The following SORT1 variants were observed in gnomAD, a reference collection of about 807,000 sequenced individuals.
SORT1 encodes the protein sortilin 1.
SORT1 carries 39 observed loss-of-function variants against 101.7 expected under a neutral mutation model. That is an observed-to-expected ratio of 0.38 (90% CI 0.30 to 0.50). The LOEUF (loss-of-function observed/expected upper bound fraction) is 0.50, where lower values mean the gene tolerates loss of function less well. Ranked by LOEUF, SORT1 falls within the 20% of genes least tolerant of loss-of-function variation. The pLI, the probability that SORT1 is intolerant of heterozygous loss-of-function variation, is 0.90. For missense variants in SORT1, 878 were observed against 1,040.4 expected (o/e 0.84, Z 2.15); for synonymous variants, 396 against 393.7 (o/e 1.01, Z -0.07).
In SORT1 at chr1:109,311,638, A is replaced by C. The variant is rs1040824781; in HGVS notation, c.*2405T>G. The C allele has an allele frequency of 3.3e-5, 5 of 152,200 alleles. No homozygotes were observed. The highest frequency in any genetic ancestry group is 1.2e-4 in the African/African-American group (5 of 41,462). The allele number at this position is 152,200 out of a possible 1,614,324, so 9.4% of individuals were successfully genotyped here. A position where few individuals can be genotyped will look rare whatever the true frequency, so the allele number is the denominator to read the frequency against. On this transcript the variant is annotated 3_prime_UTR_variant, in exon 20 of 20. Transcript: ENST00000256637. Reference sequence around the variant, plus strand: ...TTGAGCAGTGACCCTCAATGAGGGGAGGGGCAGTTTCTGCAAACGTATTTA... The same window carrying C: ...TTGAGCAGTGACCCTCAATGAGGGGCGGGGCAGTTTCTGCAAACGTATTTA...
rs116892697 is a variant in SORT1, at chr1:109,371,852, A to T, written c.307-2263T>A. Among the ~76,000 whole-genome samples the T allele has an allele frequency of 4.1e-4, 62 of 152,242 alleles. No homozygotes were observed. The East Asian group carries it at 0.012, about 29-fold the overall frequency. On this transcript the variant is annotated intron_variant, in intron 1 of 19. Coordinates refer to ENST00000256637, the MANE Select transcript of SORT1 (RefSeq NM_002959.7). The stretch of plus-strand genomic sequence containing the variant: ...CACCCACTCCAAATAACCAATGAAG[A>T]TTTGCTTTTGAAAATGGGCAAACTC...
chr1:109,375,824 C>CA (rs1004533673), intron 1 of SORT1, among the ~76,000 whole-genome samples: 2 of 151,622 alleles, frequency 1.3e-5, no homozygotes, highest in African/African-American at 2.4e-5. Flanking sequence ...AAAGTACTGG[C>CA]AAAAAAACAG....
At chr1:109,324,183 C>T (rs1221037863) in intron 14 of SORT1, among the ~76,000 whole-genome samples, 1 of 151,890 alleles carries the variant, frequency 6.6e-6, no homozygotes, top group Non-Finnish European at 1.5e-5. Context: ...GGCTGGAGTG[C>T]AATGGCATGA....
intron 1 of SORT1, among the ~76,000 whole-genome samples, chr1:109,388,240 T>A (rs1171377834): frequency 6.6e-6 from 1 of 151,846 alleles, no homozygotes; most frequent in Non-Finnish European, 1.5e-5. Flanking sequence ...CCTAATAAAT[T>A]TTTTTGTATT....
chr1:109,364,818 C>T (rs1040280698), intron 3 of SORT1, among the ~76,000 whole-genome samples: 1 of 152,216 alleles, frequency 6.6e-6, no homozygotes, highest in South Asian at 2.1e-4. Context: ...CAGCAACTAA[C>T]AGCACCAAGC....
intron 1 of SORT1, among the ~76,000 whole-genome samples, chr1:109,374,113 C>T (rs1349877871): frequency 6.6e-6 from 1 of 151,952 alleles, no homozygotes; most frequent in East Asian, 1.9e-4. Flanking sequence ...TAAAAATAAC[C>T]AGGCACGCAA....
intron 5 of SORT1, among the ~76,000 whole-genome samples, chr1:109,352,343 T>A (rs1650024892): frequency 6.6e-6 from 1 of 151,852 alleles, no homozygotes; most frequent in African/African-American, 2.4e-5. Context: ...CATTTAAGGG[T>A]AGGCTGAAAG....
intron 9 of SORT1, among the ~76,000 whole-genome samples, chr1:109,341,750 T>A (rs570477137): frequency 1.3e-5 from 2 of 152,200 alleles, no homozygotes; most frequent in Admixed American, 6.5e-5. Flanking sequence ...TCTGTACTTA[T>A]CTGGTAACAG....
chr1:109,396,073 G>C (rs565459775), intron 1 of SORT1, among the ~76,000 whole-genome samples: 2 of 151,848 alleles, frequency 1.3e-5, no homozygotes, highest in South Asian at 4.2e-4. Context: ...AACAGAGTGA[G>C]ACCCTATCTC....
rs76413550 is a variant in SORT1 at position 109,384,502 on chromosome 1, A to T, written c.306+13085T>A. The stretch of plus-strand genomic sequence containing the variant: ...AAGCAAACAGGCAGACAATGGCATT[A>T]AGTTTATAATCCAGGACATCTGAAA... On this transcript the variant is annotated intron_variant, in intron 1 of 19. Transcript: ENST00000256637. Among the ~76,000 whole-genome samples the T allele has an allele frequency of 1.1e-4, 17 of 152,324 alleles. 1 individual carries two copies. The East Asian group carries it at 3.3e-3, about 29-fold the overall frequency.
intron 1 of SORT1, among the ~76,000 whole-genome samples, chr1:109,378,459 T>C (rs1331796529): frequency 6.6e-6 from 1 of 151,324 alleles, no homozygotes; most frequent in African/African-American, 2.4e-5. Flanking sequence ...AATGAGCCAA[T>C]AAGTTATGGC....
chr1:109,373,179 G>C (rs954343488), intron 1 of SORT1, among the ~76,000 whole-genome samples: 2 of 152,326 alleles, frequency 1.3e-5, no homozygotes, highest in South Asian at 4.1e-4. Flanking sequence ...GAACAAGGAG[G>C]ACCCTACAGC....
intron 1 of SORT1, among the ~76,000 whole-genome samples, chr1:109,378,732 ATATATATATATATATATATATATATATAT>A (rs1652025890): frequency 2.4e-4 from 25 of 103,324 alleles, no homozygotes; most frequent in African/African-American, 9.6e-4. Flanking sequence ...ATATATATAT[ATATATATATATATATATATATATATATAT>A]AAAGATGTTA....
intron 12 of SORT1, 52 bp from the exon 13 acceptor site, chr1:109,327,212 G>A: frequency 7.3e-7 from 1 of 1,361,322 alleles, no homozygotes; most frequent in Admixed American, 1.8e-5. Context: ...GAAACAGAGA[G>A]CATTTACTCC....
At chr1:109,314,530 C>T (rs564185298) in intron 18 of SORT1, 142 bp downstream of exon 18, 153 of 1,177,814 alleles carry the variant, frequency 1.3e-4, no homozygotes, top group South Asian at 9.4e-4. Flanking sequence ...GAAAAATGTA[C>T]GACATGAGAA....
intron 1 of SORT1, among the ~76,000 whole-genome samples, chr1:109,385,129 T>G (rs572598099): frequency 6.3e-4 from 96 of 152,272 alleles, no homozygotes; most frequent in African/African-American, 2.2e-3. Flanking sequence ...ACTCTCTCCC[T>G]ATTATAATTA....
At chr1:109,357,376 A>T (rs563089233) in intron 3 of SORT1, among the ~76,000 whole-genome samples, 1 of 152,376 alleles carries the variant, frequency 6.6e-6, no homozygotes, top group African/African-American at 2.4e-5. Flanking sequence ...CGGCCTCAAC[A>T]AATAAAGAAT....
chr1:109,354,340 C>A (rs1388047620), intron 5 of SORT1, 27 bp downstream of exon 5: 3 of 1,593,540 alleles, frequency 1.9e-6, no homozygotes, highest in Non-Finnish European at 8.6e-7. Context: ...ATGCAAAAGG[C>A]AAACCATGTT....
chr1:109,327,299 A>C (rs1648141714), intron 12 of SORT1, 139 bp from the exon 13 acceptor site: 2 of 868,746 alleles, frequency 2.3e-6, no homozygotes, highest in Non-Finnish European at 3.5e-6. Flanking sequence ...AAACCACCAA[A>C]AACTTCGGAG....
Sources: allele counts gnomAD v4.1 joint callset (sites outside exome capture counted in the v4.1 genomes callset), GRCh38; gene constraint gnomAD v4.1.1; transcripts MANE v1.5; gene names NCBI Gene and HGNC (gene_info 2026-07-23, HGNC 2026-07-21).